Variants in GIGYF2 observed in about 807,000 individuals in gnomAD.
GIGYF2 encodes the protein GRB10 interacting GYF protein 2.
In GIGYF2, 25 loss-of-function variants were observed where a neutral mutation model predicts 208.1. The observed-to-expected ratio is 0.12, with a 90% CI of 0.09 to 0.17. GIGYF2 has a LOEUF of 0.17. GIGYF2 is among the 10% of genes least tolerant of loss of function. The probability of loss-of-function intolerance (pLI) is 1.00; values close to 1 mark genes in which losing one functional copy is unlikely to be tolerated. For missense variants in GIGYF2, 1,302 were observed against 1,579.4 expected (o/e 0.82, Z 2.98); for synonymous variants, 534 against 543.8 (o/e 0.98, Z 0.25).
At chr2:232,772,537 A>G (rs1448820918) in intron 8 of GIGYF2, among the ~76,000 whole-genome samples, 1 of 152,222 alleles carries the variant, frequency 6.6e-6, no homozygotes, top group African/African-American at 2.4e-5. Flanking sequence ...AACAGTTTTC[A>G]TCAGTGGTTA....
intron 27 of GIGYF2, among the ~76,000 whole-genome samples, chr2:232,848,725 G>A (rs1702099927): frequency 6.6e-6 from 1 of 152,182 alleles, no homozygotes; most frequent in Non-Finnish European, 1.5e-5. Context: ...GCACTTGTTG[G>A]CAGTATTGAG....
At chr2:232,698,152 G>C (rs1574751921) in intron 1 of GIGYF2, 1 of 152,230 alleles carries the variant, frequency 6.6e-6, no homozygotes, top group South Asian at 2.1e-4. Flanking sequence ...AGCGAACAGG[G>C]AATGGGGGCA....
At chr2:232,705,493 C>T (rs1696056183) in intron 2 of GIGYF2, 2 of 152,126 alleles carry the variant, frequency 1.3e-5, no homozygotes, top group Admixed American at 1.3e-4. Context: ...ACCACATCCT[C>T]TGCCTCCTGG....
intron 3 of GIGYF2, among the ~76,000 whole-genome samples, chr2:232,740,117 C>G (rs191640933): frequency 2.0e-5 from 3 of 152,072 alleles, no homozygotes; most frequent in Admixed American, 1.3e-4. Flanking sequence ...TACTCTGTTT[C>G]AAGCAAACGA....
rs1156576756 is a variant in GIGYF2, at chr2:232,836,263, CATATATATATATATATATATATATAT to C, written c.2766+3212_2766+3237del. On this transcript the variant is annotated intron_variant, in intron 22 of 28. Coordinates refer to ENST00000373563, the MANE Select transcript of GIGYF2 (RefSeq NM_001103146.3). ...GCAACATGGTGAAACCCCATCTCTA[CATATATATATATATATATATATATAT>C]ATATATATATATATATATATATATA... Among the ~76,000 whole-genome samples, 7 of 38,626 alleles carry C rather than the reference CATATATATATATATATATATATATAT, an allele frequency of 1.8e-4. 1 individual carries two copies. In the South Asian group the frequency reaches 5.8e-3, roughly 32 times the overall value. The allele number at this position is 38,626 out of a possible 152,430, so 25.3% of individuals were successfully genotyped here.
chr2:232,753,264 T>C (rs1698403065), intron 5 of GIGYF2, among the ~76,000 whole-genome samples: 2 of 151,846 alleles, frequency 1.3e-5, no homozygotes, highest in African/African-American at 4.8e-5. Flanking sequence ...GCTGGGATTA[T>C]AGACGCCCGC....
At chr2:232,780,742 C>A (rs146870851) in intron 8 of GIGYF2, among the ~76,000 whole-genome samples, 3 of 152,198 alleles carry the variant, frequency 2.0e-5, no homozygotes, top group South Asian at 4.2e-4. Context: ...AACTGAAATA[C>A]AGTATTTGGT....
chr2:232,821,817 A>G lies in GIGYF2; in HGVS notation c.2529+1832A>G, dbSNP rs189956388. On this transcript the variant is annotated intron_variant, in intron 21 of 28. Coordinates refer to ENST00000373563, the MANE Select transcript of GIGYF2 (RefSeq NM_001103146.3). ...AAAGCTTTATAGTTTTCGTTTTACA[A>G]ATAGTTTGAATTGTTTTTTCTGTAT... Among the ~76,000 whole-genome samples the G allele has an allele frequency of 7.2e-5, 11 of 152,132 alleles. No homozygotes were observed. The East Asian group carries it at 1.9e-3, about 27-fold the overall frequency.
chr2:232,836,804 C>A (rs951322233), intron 22 of GIGYF2, among the ~76,000 whole-genome samples: 1 of 152,132 alleles, frequency 6.6e-6, no homozygotes, highest in African/African-American at 2.4e-5. Context: ...TTTATCCCAA[C>A]TTCTACTGTT....
chr2:232,779,528 T>C (rs1699641167), intron 8 of GIGYF2, among the ~76,000 whole-genome samples: 1 of 152,216 alleles, frequency 6.6e-6, no homozygotes, highest in African/African-American at 2.4e-5. Context: ...CTTGCTTACA[T>C]AGTGTACTTG....
At chr2:232,697,853 C>T (rs1276424759) in intron 1 of GIGYF2, among the ~76,000 whole-genome samples, 2 of 152,242 alleles carry the variant, frequency 1.3e-5, no homozygotes. Context: ...ACAGCTGCTC[C>T]TGCCGGCTCT....
intron 8 of GIGYF2, among the ~76,000 whole-genome samples, chr2:232,775,742 A>G (rs1024955840): frequency 2.6e-5 from 4 of 152,242 alleles, no homozygotes; most frequent in Admixed American, 6.5e-5. Context: ...ATGATAAAAA[A>G]TAGTATAGTT....
intron 8 of GIGYF2, chr2:232,776,761 T>C (rs1378903101): frequency 2.9e-6 from 1 of 340,520 alleles, no homozygotes; most frequent in Non-Finnish European, 5.4e-6. Flanking sequence ...AGAACTGACT[T>C]GGAGAAGGGG....
At position 232,813,087 on chromosome 2, in the gene GIGYF2, A is replaced by G. The variant is rs957488403; in HGVS notation, c.2107+596A>G. Among the ~76,000 whole-genome samples, 29 of 151,808 alleles carry G rather than the reference A, an allele frequency of 1.9e-4. 1 individual carries two copies. The highest frequency in any genetic ancestry group is 6.3e-4 in the African/African-American group (26 of 41,320). ...AAGAAAAACCTGCTATGAATTGAGC[A>G]CCTTTTCTCATTTTTATATTTTTAC... is the stretch of plus-strand genomic sequence containing the variant. On this transcript the variant is annotated intron_variant, in intron 18 of 28. Transcript: ENST00000373563.
chr2:232,739,549 CAT>C (rs1360218140), intron 3 of GIGYF2, among the ~76,000 whole-genome samples: 1 of 150,788 alleles, frequency 6.6e-6, no homozygotes, highest in Non-Finnish European at 1.5e-5. Flanking sequence ...CGTGGTGGTG[CAT>C]ATGTTTGGTG....
chr2:232,786,917 C>CA (rs1283331119), intron 8 of GIGYF2, among the ~76,000 whole-genome samples: 2 of 151,586 alleles, frequency 1.3e-5, no homozygotes, highest in East Asian at 1.9e-4. Context: ...TACGCTTTTT[C>CA]AAAAAAAATT....
chr2:232,730,037 A>G (rs1697388755), intron 2 of GIGYF2: 5 of 854,530 alleles, frequency 5.9e-6, no homozygotes, highest in Non-Finnish European at 1.0e-5. Context: ...GATTATACCA[A>G]CGAAGGGCAT....
At chr2:232,855,323 A>G (rs1298729295) in intron 28 of GIGYF2, among the ~76,000 whole-genome samples, 2 of 152,142 alleles carry the variant, frequency 1.3e-5, no homozygotes. Flanking sequence ...CCTGGCCTCA[A>G]GTAATCCACC....
intron 2 of GIGYF2, among the ~76,000 whole-genome samples, chr2:232,712,025 T>A (rs1559375925): frequency 6.6e-6 from 1 of 152,158 alleles, no homozygotes. Context: ...TCAGCACTTA[T>A]CAGAAAAGCC....
Sources: allele counts gnomAD v4.1 joint callset (sites outside exome capture counted in the v4.1 genomes callset), GRCh38; gene constraint gnomAD v4.1.1; transcripts MANE v1.5; gene names NCBI Gene and HGNC (gene_info 2026-07-23, HGNC 2026-07-21).